STARD13: variants seen among roughly 807,000 people sequenced by gnomAD.
STARD13 encodes stAR-related lipid transfer protein 13.
A neutral mutation model predicts 106.4 loss-of-function variants in STARD13; 62 were observed. The observed-to-expected ratio is 0.58, with a 90% CI of 0.48 to 0.72. STARD13 has a LOEUF of 0.72. Ranked by LOEUF, STARD13 falls within the 30% of genes least tolerant of loss-of-function variation. STARD13 has a pLI of 0.00. For missense variants in STARD13, 1,387 were observed against 1,424.0 expected, an observed-to-expected ratio of 0.97 and a Z score of 0.42; for synonymous variants, 565 against 553.0, an observed-to-expected ratio of 1.02 and a Z score of -0.31.
chr13:33,649,444 T>G, the STARD13 span, among the ~76,000 whole-genome samples: 5 of 152,242 alleles, frequency 3.3e-5, no homozygotes, highest in African/African-American at 1.2e-4. Flanking sequence ...CGTCATCTTG[T>G]GTATTTCATT....
chr13:33,642,267 C>A, the STARD13 span, among the ~76,000 whole-genome samples: 957 of 152,254 alleles, frequency 6.3e-3, 11 homozygotes, highest in African/African-American at 0.022. Flanking sequence ...AAAATAAACA[C>A]CTGGATTTAA....
At chr13:33,303,909 C>G (rs531576064) in intron 1 of STARD13, among the ~76,000 whole-genome samples, 26 of 152,328 alleles carry the variant, frequency 1.7e-4, no homozygotes, top group African/African-American at 5.8e-4. Context: ...TTCTATATTA[C>G]TCAAGGTGAG....
chr13:33,480,176 C>G, the STARD13 span, among the ~76,000 whole-genome samples: 1 of 152,052 alleles, frequency 6.6e-6, no homozygotes. Flanking sequence ...GAAGGATAGT[C>G]TAGAACTTGT....
At chr13:33,456,581 A>C in the STARD13 span, among the ~76,000 whole-genome samples, 2 of 152,294 alleles carry the variant, frequency 1.3e-5, no homozygotes, top group East Asian at 3.9e-4. Context: ...TGGCTGGCAG[A>C]TGACCACCTT....
At position 33,185,866 on chromosome 13, in the gene STARD13, T is replaced by C. The variant is rs953759584; in HGVS notation, c.170-18244A>G. ...CCTTTGTACCCACATGCCCTTCTGA[T>C]CCAGCACTTACCCCGGCGCTGGAAT... On this transcript the variant is annotated intron_variant, in intron 1 of 13. Coordinates refer to ENST00000336934, the MANE Select transcript of STARD13 (RefSeq NM_178006.4). 3.7e-6 allele frequency: 6 copies of C among 1,613,854 alleles called. No individual in the cohort carries two copies. The African/African-American group carries it at 6.7e-5, about 18-fold the overall frequency.
At chr13:33,564,996 A>G in the STARD13 span, among the ~76,000 whole-genome samples, 3 of 146,324 alleles carry the variant, frequency 2.1e-5, no homozygotes, top group Non-Finnish European at 3.0e-5. Context: ...CTCAAAAAAA[A>G]AAAAAAAAGA....
At chr13:33,666,693 C>T in the STARD13 span, among the ~76,000 whole-genome samples, 713 of 152,142 alleles carry the variant, frequency 4.7e-3, 5 homozygotes, top group African/African-American at 0.015. Context: ...CCGGTTCAAG[C>T]AATTTTACTG....
chr13:33,401,707 C>T, the STARD13 span, among the ~76,000 whole-genome samples: 31 of 152,308 alleles, frequency 2.0e-4, no homozygotes, highest in African/African-American at 6.5e-4. Flanking sequence ...GACATTTTCC[C>T]CAATAAAATC....
chr13:33,497,269 T>A, the STARD13 span, among the ~76,000 whole-genome samples: 33 of 152,270 alleles, frequency 2.2e-4, no homozygotes, highest in East Asian at 6.2e-3. Context: ...TAACCAAAAA[T>A]ACACAGTCTA....
At chr13:33,126,311 C>A in intron 6 of STARD13, 71 bp from the exon 7 acceptor site, 1 of 1,502,832 alleles carries the variant, frequency 6.7e-7, no homozygotes, top group Non-Finnish European at 9.1e-7. Context: ...TGGAAGCAAG[C>A]ATGAGGGAAG....
At chr13:33,591,945 A>G in the STARD13 span, among the ~76,000 whole-genome samples, 1,143 of 152,314 alleles carry the variant, frequency 7.5e-3, 12 homozygotes, top group Middle Eastern at 0.024. Flanking sequence ...TGTATTTTAT[A>G]TTCATATTAT....
the STARD13 span, among the ~76,000 whole-genome samples, chr13:33,413,425 A>T: frequency 6.6e-6 from 1 of 152,100 alleles, no homozygotes; most frequent in Non-Finnish European, 1.5e-5. Flanking sequence ...GCAGAAGTTG[A>T]TGGAATTGAA....
chr13:33,380,949 T>C, the STARD13 span, among the ~76,000 whole-genome samples: 8 of 152,136 alleles, frequency 5.3e-5, no homozygotes, highest in Non-Finnish European at 1.2e-4. Context: ...AGACAGTGAA[T>C]GGTCTTACAG....
chr13:33,492,600 T>C, the STARD13 span, among the ~76,000 whole-genome samples: 51,838 of 152,038 alleles, frequency 0.34, 9,036 homozygotes, highest in Non-Finnish European at 0.39. Context: ...CTGCTACACT[T>C]CCATCAGGGC....
intron 1 of STARD13, among the ~76,000 whole-genome samples, chr13:33,256,659 A>C (rs1890380289): frequency 6.6e-6 from 1 of 152,216 alleles, no homozygotes; most frequent in South Asian, 2.1e-4. Context: ...GCATTTAACA[A>C]ACCAGAATCA....
the STARD13 span, among the ~76,000 whole-genome samples, chr13:33,672,530 A>G: frequency 1.3e-5 from 2 of 152,222 alleles, no homozygotes; most frequent in Non-Finnish European, 2.9e-5. Context: ...TTAAAATAAA[A>G]TAAATAACTA....
chr13:33,609,319 C>A, the STARD13 span, among the ~76,000 whole-genome samples: 1 of 151,842 alleles, frequency 6.6e-6, no homozygotes. Context: ...CTCAAATGGA[C>A]AACAGCATAT....
upstream of STARD13, among the ~76,000 whole-genome samples, chr13:33,290,562 CAGACCACAGCTCT>C (rs576555115): frequency 8.3e-4 from 126 of 152,356 alleles, 5 homozygotes; most frequent in East Asian, 0.021. Context: ...TTCCTAGCTC[CAGACCACAGCTCT>C]CATCTGGAGT....
intron 3 of STARD13, among the ~76,000 whole-genome samples, chr13:33,164,584 C>T (rs1883108617): frequency 1.3e-5 from 2 of 152,114 alleles, no homozygotes; most frequent in South Asian, 4.1e-4. Context: ...CTTCAAATTC[C>T]TACAGACACA....
Sources: allele counts gnomAD v4.1 joint callset (sites outside exome capture counted in the v4.1 genomes callset), GRCh38; gene constraint gnomAD v4.1.1; transcripts MANE v1.5; gene names NCBI Gene and HGNC (gene_info 2026-07-23, HGNC 2026-07-21).